The following CNTNAP2 variants were observed in gnomAD, a reference collection of about 807,000 sequenced individuals.
The protein encoded by CNTNAP2 is contactin-associated protein-like 2.
Under a neutral mutation model 155.2 loss-of-function variants are expected in CNTNAP2, and 98 were observed. The ratio of observed to expected loss-of-function variants is 0.63; its 90% CI spans 0.54 to 0.75. The LOEUF is 0.75. Ranked by LOEUF, CNTNAP2 falls within the 30% of genes least tolerant of loss-of-function variation. The probability of loss-of-function intolerance (pLI) is 0.00; values close to 1 mark genes in which losing one functional copy is unlikely to be tolerated. For missense variants in CNTNAP2, 1,727 were observed against 1,688.1 expected (o/e 1.02, Z -0.40); for synonymous variants, 651 against 631.2 (o/e 1.03, Z -0.47).
chr7:146,738,193 A>G (rs2129180611), intron 1 of CNTNAP2, among the ~76,000 whole-genome samples: 1 of 152,052 alleles, frequency 6.6e-6, no homozygotes, highest in East Asian at 1.9e-4. Flanking sequence ...TCTCATTTTG[A>G]TAATAGCCAT....
chr7:147,720,016 T>C (rs1796540766), intron 13 of CNTNAP2, among the ~76,000 whole-genome samples: 1 of 152,208 alleles, frequency 6.6e-6, no homozygotes, highest in South Asian at 2.1e-4. Context: ...GTATTCTGTG[T>C]GTTCATCACC....
chr7:146,618,274 T>A (rs1035314311), intron 1 of CNTNAP2, among the ~76,000 whole-genome samples: 2 of 152,202 alleles, frequency 1.3e-5, no homozygotes, highest in Admixed American at 1.3e-4. Flanking sequence ...TTGAATCTCA[T>A]AGTAAAATTA....
At chr7:146,476,057 C>T (rs748589870) in intron 1 of CNTNAP2, among the ~76,000 whole-genome samples, 13 of 152,152 alleles carry the variant, frequency 8.5e-5, no homozygotes, top group South Asian at 2.1e-4. Context: ...AAACCGAAAA[C>T]GGAATCAGCT....
intron 15 of CNTNAP2, among the ~76,000 whole-genome samples, chr7:148,008,367 A>G (rs111369978): frequency 0.066 from 10,068 of 152,152 alleles, 762 homozygotes; most frequent in African/African-American, 0.19. Context: ...GCAAGACTCC[A>G]TCTCAAACAA....
chr7:147,128,820 T>C lies in CNTNAP2; in HGVS notation c.1067T>C (p.Leu356Ser). 1 of 1,614,002 alleles carries C rather than the reference T, an allele frequency of 6.2e-7. No individual in the cohort carries two copies. Residue 356 changes from leucine (L) to serine (S), a missense_variant, in exon 7 of 24, where the codon TTA (leucine) becomes TCA (serine). Leu to Ser is a moderately radical substitution (Grantham distance 145). Transcript: ENST00000361727. Reference sequence around the variant, plus strand: ...ACTGATCTTGCCAGAAGGAAGAAATTAGAGCCCTCAAATGTGGTAAGGATT... The same window carrying C: ...ACTGATCTTGCCAGAAGGAAGAAATCAGAGCCCTCAAATGTGGTAAGGATT... Reference protein sequence around the residue: ...NITDLARRKKLEPSNVGNLSF... With the variant: ...NITDLARRKKSEPSNVGNLSF...
At chr7:146,823,677 C>T (rs1373524938) in intron 2 of CNTNAP2, among the ~76,000 whole-genome samples, 1 of 151,526 alleles carries the variant, frequency 6.6e-6, no homozygotes. Flanking sequence ...TATACTCATT[C>T]TTCAGTATAT....
chr7:147,160,591 T>C (rs1182841012), intron 8 of CNTNAP2, among the ~76,000 whole-genome samples: 1 of 152,148 alleles, frequency 6.6e-6, no homozygotes, highest in Non-Finnish European at 1.5e-5. Flanking sequence ...AATTTAGATA[T>C]TTCAAACCCT....
chr7:146,840,339 T>C (rs1302295273), intron 3 of CNTNAP2, among the ~76,000 whole-genome samples: 1 of 152,198 alleles, frequency 6.6e-6, no homozygotes, highest in Non-Finnish European at 1.5e-5. Context: ...TATAATAGTG[T>C]CTTAAACACT....
chr7:146,738,458 A>T (rs1157630953), intron 1 of CNTNAP2, among the ~76,000 whole-genome samples: 2 of 152,014 alleles, frequency 1.3e-5, no homozygotes, highest in African/African-American at 4.8e-5. Context: ...TCCATTCAGT[A>T]GATTTTCTCT....
At chr7:147,990,855 T>C (rs1303104692) in intron 15 of CNTNAP2, among the ~76,000 whole-genome samples, 1 of 152,134 alleles carries the variant, frequency 6.6e-6, no homozygotes, top group Admixed American at 6.5e-5. Context: ...ATTGATTAAA[T>C]CATTGGCCAC....
intron 1 of CNTNAP2, among the ~76,000 whole-genome samples, chr7:146,425,539 A>AT (rs1397248319): frequency 6.6e-6 from 1 of 152,124 alleles, no homozygotes; most frequent in Non-Finnish European, 1.5e-5. Flanking sequence ...ATCAATAATT[A>AT]TTTTTTGCAG....
intron 1 of CNTNAP2, among the ~76,000 whole-genome samples, chr7:146,616,776 C>T (rs978995283): frequency 6.6e-6 from 1 of 152,202 alleles, no homozygotes; most frequent in African/African-American, 2.4e-5. Context: ...ATTTAAGAGA[C>T]ATTTGTAGCA....
intron 1 of CNTNAP2, among the ~76,000 whole-genome samples, chr7:146,267,428 C>A (rs563643845): frequency 5.1e-4 from 78 of 151,972 alleles, no homozygotes; most frequent in African/African-American, 1.5e-3. Flanking sequence ...AACTTTAGAT[C>A]CTAGATATTA....
At chr7:146,774,154 G>C (rs191067437) in intron 1 of CNTNAP2, 117 bp from the exon 2 acceptor site, 5 of 760,532 alleles carry the variant, frequency 6.6e-6, no homozygotes, top group Non-Finnish European at 1.1e-5. Context: ...GCTAAATATT[G>C]TTTCAAAGAT....
intron 13 of CNTNAP2, among the ~76,000 whole-genome samples, chr7:147,692,749 C>A (rs555954858): frequency 6.6e-6 from 1 of 152,102 alleles, no homozygotes; most frequent in African/African-American, 2.4e-5. Flanking sequence ...GGATGACACT[C>A]CTCTATCAGA....
chr7:148,367,059 T>C (rs1274835568), intron 21 of CNTNAP2, among the ~76,000 whole-genome samples: 1 of 152,024 alleles, frequency 6.6e-6, no homozygotes, highest in Non-Finnish European at 1.5e-5. Flanking sequence ...GGTGAAGCCC[T>C]GTCTCTACTA....
chr7:147,927,836 G>A (rs537548056), intron 14 of CNTNAP2, among the ~76,000 whole-genome samples: 11 of 152,250 alleles, frequency 7.2e-5, no homozygotes, highest in Middle Eastern at 3.4e-3. Context: ...TGCAATGGCC[G>A]AGACCTTGAC....
At chr7:147,525,912 G>T (rs372030002) in intron 11 of CNTNAP2, among the ~76,000 whole-genome samples, 7 of 152,038 alleles carry the variant, frequency 4.6e-5, no homozygotes, top group African/African-American at 1.7e-4. Context: ...ATATTGTTAG[G>T]CTGGGTGCAG....
At chr7:147,130,490 A>G (rs182361455) in intron 7 of CNTNAP2, among the ~76,000 whole-genome samples, 19 of 152,200 alleles carry the variant, frequency 1.2e-4, no homozygotes, top group Admixed American at 1.0e-3. Context: ...ATGGATTCAC[A>G]ATATGTGAGT....
Sources: gnomAD v4.1 joint callset for allele counts (sites outside exome capture counted in the v4.1 genomes callset) on GRCh38, gnomAD v4.1.1 for gene constraint, MANE v1.5 for transcripts, NCBI Gene and HGNC (gene_info 2026-07-23, HGNC 2026-07-21) for gene names.